Variants in TPO observed in about 807,000 individuals in gnomAD.
TPO encodes the protein thyroid peroxidase.
Under a neutral mutation model 96.9 loss-of-function variants are expected in TPO, and 78 were observed. The observed-to-expected ratio is 0.81, with a 90% confidence interval of 0.67 to 0.97. The LOEUF (loss-of-function observed/expected upper bound fraction) is 0.97. Among genes scored for constraint, TPO ranks in the 50% least tolerant of loss-of-function variants. The pLI is 0.00. For missense variants in TPO, 1,252 were observed against 1,274.8 expected, an observed-to-expected ratio of 0.98 and a Z score of 0.27; for synonymous variants, 547 against 538.0, an observed-to-expected ratio of 1.02 and a Z score of -0.23.
intron 13 of TPO, chr2:1,503,710 C>T (rs1300379949): frequency 1.1e-5 from 8 of 729,904 alleles, no homozygotes; most frequent in South Asian, 9.0e-5. Flanking sequence ...CTGAGTGAGC[C>T]CCAGTGTGTG....
At chr2:1,443,016 G>T (rs921918278) in intron 5 of TPO, among the ~76,000 whole-genome samples, 1 of 152,194 alleles carries the variant, frequency 6.6e-6, no homozygotes, top group Admixed American at 6.5e-5. Flanking sequence ...TCGGGGGATC[G>T]CTTGAGCCCA....
At chr2:1,542,027 C>T in intron 16 of TPO, 1 of 253,232 alleles carries the variant, frequency 3.9e-6, no homozygotes, top group Non-Finnish European at 7.6e-6. Context: ...GCTTTTCCAG[C>T]CACAGCAAGG....
chr2:1,402,237 C>G (rs1662183055), intron 1 of TPO, among the ~76,000 whole-genome samples: 1 of 152,238 alleles, frequency 6.6e-6, no homozygotes, highest in Non-Finnish European at 1.5e-5. Flanking sequence ...GCCCAGTGAG[C>G]TGCGGTCGGC....
chr2:1,438,526 T>G (rs758138525), intron 5 of TPO, among the ~76,000 whole-genome samples: 23 of 152,104 alleles, frequency 1.5e-4, no homozygotes, highest in Non-Finnish European at 2.8e-4. Context: ...AGACCTCAGG[T>G]GCATTCTGAT....
intron 1 of TPO, among the ~76,000 whole-genome samples, chr2:1,394,688 G>A (rs1017062987): frequency 3.3e-5 from 5 of 152,190 alleles, no homozygotes; most frequent in East Asian, 1.9e-4. Context: ...TGGACCGAGC[G>A]TCACCCGGGC....
chr2:1,540,838 C>T, intron 16 of TPO, 115 bp downstream of exon 16: 3 of 1,580,422 alleles, frequency 1.9e-6, no homozygotes, highest in Non-Finnish European at 2.6e-6. Context: ...TCCGTGTTTC[C>T]TAGTCCGTTC....
At chr2:1,422,853 G>A (rs560911530) in intron 2 of TPO, among the ~76,000 whole-genome samples, 192 bp from the exon 3 acceptor site, 2 of 152,312 alleles carry the variant, frequency 1.3e-5, no homozygotes, top group African/African-American at 4.8e-5. Flanking sequence ...CCGTGCAGTG[G>A]GGGTGGACGC....
chr2:1,451,949 T>G (rs1042129694), intron 5 of TPO, among the ~76,000 whole-genome samples: 12 of 152,228 alleles, frequency 7.9e-5, no homozygotes, highest in African/African-American at 2.9e-4. Context: ...TTAATAAGTT[T>G]TACATATTTC....
intron 13 of TPO, among the ~76,000 whole-genome samples, chr2:1,503,037 T>C (rs1673029791): frequency 6.6e-6 from 1 of 152,216 alleles, no homozygotes; most frequent in Non-Finnish European, 1.5e-5. Context: ...CTCATCGTCC[T>C]GGGGTGGCCG....
intron 1 of TPO, among the ~76,000 whole-genome samples, chr2:1,390,384 A>G (rs1440307275): frequency 2.6e-5 from 4 of 152,140 alleles, no homozygotes; most frequent in Admixed American, 6.6e-5. Context: ...TCCATGGTGT[A>G]TATGTGCCAC....
chr2:1,491,318 A>C (rs11674560), intron 10 of TPO, among the ~76,000 whole-genome samples: 78,417 of 152,014 alleles, frequency 0.52, 20,995 homozygotes, highest in African/African-American at 0.67. Context: ...TACCTCCTGC[A>C]CAGGCCTTGC....
intron 13 of TPO, among the ~76,000 whole-genome samples, chr2:1,500,572 T>C (rs2124976058): frequency 6.6e-6 from 1 of 152,340 alleles, no homozygotes; most frequent in Middle Eastern, 3.4e-3. Context: ...AAAGGAAGGC[T>C]ACGGGCTTAA....
intron 1 of TPO, among the ~76,000 whole-genome samples, chr2:1,383,823 C>T (rs903590802): frequency 1.3e-4 from 20 of 151,864 alleles, no homozygotes; most frequent in African/African-American, 4.6e-4. Flanking sequence ...ATGGTATTGC[C>T]TAGGTTTTCT....
chr2:1,390,291 G>A (rs369600037), intron 1 of TPO, among the ~76,000 whole-genome samples: 3 of 151,992 alleles, frequency 2.0e-5, no homozygotes, highest in East Asian at 1.9e-4. Context: ...TCCTTGTATA[G>A]TTTGCTGAGA....
At chr2:1,403,422 T>C (rs949874950) in intron 1 of TPO, among the ~76,000 whole-genome samples, 2 of 152,186 alleles carry the variant, frequency 1.3e-5, no homozygotes, top group African/African-American at 4.8e-5. Flanking sequence ...AGCTCTGGGC[T>C]CTCCGTGGTT....
At chr2:1,449,189 T>C (rs1667105535) in intron 5 of TPO, among the ~76,000 whole-genome samples, 1 of 152,202 alleles carries the variant, frequency 6.6e-6, no homozygotes, top group Non-Finnish European at 1.5e-5. Flanking sequence ...GGGTTTAACA[T>C]AGAATTTGCT....
At chr2:1,387,949 G>A (rs563577263) in intron 1 of TPO, among the ~76,000 whole-genome samples, 3 of 152,334 alleles carry the variant, frequency 2.0e-5, no homozygotes, top group Non-Finnish European at 4.4e-5. Context: ...TCAGCTGCAG[G>A]TCTGTTGGAG....
chr2:1,505,866 TTTA>T (rs1377402019), intron 14 of TPO, among the ~76,000 whole-genome samples: 43 of 151,058 alleles, frequency 2.8e-4, no homozygotes, highest in Non-Finnish European at 4.6e-4. Context: ...TTTTTTTAGT[TTTA>T]TTATTATTAT....
At chr2:1,525,739 C>T (rs1177850879) in intron 15 of TPO, among the ~76,000 whole-genome samples, 1 of 140,832 alleles carries the variant, frequency 7.1e-6, no homozygotes, top group Non-Finnish European at 1.5e-5. Context: ...CTGCAAACTC[C>T]CCAAATCTCA....
Sources: gnomAD v4.1 joint callset for allele counts (sites outside exome capture counted in the v4.1 genomes callset) on GRCh38, gnomAD v4.1.1 for gene constraint, MANE v1.5 for transcripts, NCBI Gene and HGNC (gene_info 2026-07-23, HGNC 2026-07-21) for gene names.